The following LRRIQ1 variants were observed in gnomAD, a reference collection of about 807,000 sequenced individuals.
LRRIQ1 encodes leucine rich repeats and IQ motif containing 1.
Under a neutral mutation model 211.9 loss-of-function variants are expected in LRRIQ1, and 210 were observed. That is an observed-to-expected ratio of 0.99 (90% CI 0.89 to 1.11). The LOEUF (loss-of-function observed/expected upper bound fraction) is 1.11. Ranked by LOEUF, LRRIQ1 falls within the 50% of genes most tolerant of loss-of-function variation. The pLI is 0.00. For missense variants in LRRIQ1, 2,136 were observed against 1,939.5 expected (o/e 1.10, Z -1.90); for synonymous variants, 699 against 650.1 (o/e 1.08, Z -1.14).
At chr12:85,085,128 A>G (rs909259831) in intron 11 of LRRIQ1, among the ~76,000 whole-genome samples, 6 of 151,656 alleles carry the variant, frequency 4.0e-5, no homozygotes, top group African/African-American at 1.5e-4. Context: ...CCCGCCCCCC[A>G]ATTTATTTAG....
At position 85,040,602 on chromosome 12, in the gene LRRIQ1, G is replaced by C. The variant is rs1565777888; in HGVS notation, c.244+1G>C. The C allele has an allele frequency of 7.8e-6, 12 of 1,533,546 alleles. No individual in the cohort carries two copies. Among genetic ancestry groups the C allele is most frequent in the Non-Finnish European group, 1.1e-5 (12 of 1,113,938 alleles). 95.0% of individuals were successfully genotyped at this position (1,533,546 alleles called of 1,614,324 possible). On this transcript the variant is annotated splice_donor_variant, in intron 3 of 26. Coordinates refer to ENST00000393217, the MANE Select transcript of LRRIQ1 (RefSeq NM_001079910.2). LOFTEE classifies it high-confidence loss of function. The stretch of plus-strand genomic sequence containing the variant: ...GACCTGGAAGATACTGATATTTTAA[G>C]TAAGTACTATTTTCATCTGTCTGGC...
chr12:85,252,712 G>A (rs1357866258), intron 1 of LRRIQ1, among the ~76,000 whole-genome samples: 2 of 151,586 alleles, frequency 1.3e-5, no homozygotes, highest in Admixed American at 1.3e-4. Context: ...GAGAACTCTA[G>A]TATATTAATG....
chr12:85,119,735 C>T (rs1016735963), intron 15 of LRRIQ1, among the ~76,000 whole-genome samples: 11 of 152,054 alleles, frequency 7.2e-5, no homozygotes, highest in Admixed American at 1.3e-4. Flanking sequence ...CACATTGTCT[C>T]GTTGTTATTT....
At chr12:85,093,731 G>A (rs540854896) in intron 11 of LRRIQ1, among the ~76,000 whole-genome samples, 67 of 152,330 alleles carry the variant, frequency 4.4e-4, no homozygotes, top group African/African-American at 1.6e-3. Context: ...TAAAGTGACT[G>A]CATTCAAAGC....
intron 24 of LRRIQ1, among the ~76,000 whole-genome samples, chr12:85,172,622 A>T (rs1006036275): frequency 6.6e-6 from 1 of 152,180 alleles, no homozygotes; most frequent in South Asian, 2.1e-4. Flanking sequence ...TAAGATATAG[A>T]TGAGCAAATA....
At chr12:85,135,810 C>T (rs1889088238) in intron 18 of LRRIQ1, among the ~76,000 whole-genome samples, 1 of 115,014 alleles carries the variant, frequency 8.7e-6, no homozygotes, top group Admixed American at 9.4e-5. Flanking sequence ...GTTCATTTGA[C>T]ATACATTTTG....
chr12:85,139,551 T>G (rs1393275139), intron 19 of LRRIQ1, among the ~76,000 whole-genome samples: 1 of 151,460 alleles, frequency 6.6e-6, no homozygotes, highest in Non-Finnish European at 1.5e-5. Flanking sequence ...TTTTTCAGAA[T>G]TCAGCTAGGA....
At chr12:85,128,859 T>G (rs1485105153) in intron 18 of LRRIQ1, among the ~76,000 whole-genome samples, 1 of 152,162 alleles carries the variant, frequency 6.6e-6, no homozygotes. Flanking sequence ...ATTGTAAAAT[T>G]TTTGTAACTC....
chr12:85,214,366 A>G (rs946703612), intron 24 of LRRIQ1, among the ~76,000 whole-genome samples: 2 of 152,148 alleles, frequency 1.3e-5, no homozygotes, highest in Admixed American at 6.5e-5. Flanking sequence ...TAAGATTTCT[A>G]TGGAAATTCA....
chr12:85,148,895 G>A (rs1890063505), intron 19 of LRRIQ1, among the ~76,000 whole-genome samples: 1 of 152,030 alleles, frequency 6.6e-6, no homozygotes, highest in African/African-American at 2.4e-5. Flanking sequence ...TTTCTCTAAT[G>A]ATCGGTAATG....
At chr12:85,248,517 C>T (rs1170036756), downstream of LRRIQ1, among the ~76,000 whole-genome samples, 1 of 151,688 alleles carries the variant, frequency 6.6e-6, no homozygotes, top group African/African-American at 2.4e-5. Context: ...TATCTCTGTA[C>T]TTTCCAGGAT....
intron 2 of LRRIQ1, among the ~76,000 whole-genome samples, chr12:85,039,103 CTT>C (rs1426193460): frequency 2.0e-5 from 3 of 151,196 alleles, no homozygotes; most frequent in Non-Finnish European, 4.4e-5. Context: ...ATTATTATGT[CTT>C]TTATCCAGAG....
intron 8 of LRRIQ1, among the ~76,000 whole-genome samples, chr12:85,062,789 A>C (rs1273727622): frequency 2.6e-5 from 4 of 151,800 alleles, no homozygotes; most frequent in Non-Finnish European, 5.9e-5. Context: ...CGCTTTCCAC[A>C]GTGGCTTAAC....
Position 85,137,910 on chromosome 12 carries a change from A to C in LRRIQ1, c.4270A>C (p.Asn1424His). Reference sequence around the variant, plus strand: ...GACAACAGCTCTAGAGGCTATTAAGAATGAAGAATCCGATGAAGAATACAG... The same window carrying C: ...GACAACAGCTCTAGAGGCTATTAAGCATGAAGAATCCGATGAAGAATACAG... ...KLTTALEAIK[N>H]EESDEEYREI... The change falls in exon 19 of 27, where the codon AAT (asparagine) becomes CAT (histidine). Residue 1424 changes from asparagine (N) to histidine (H), a missense_variant. Transcript: ENST00000393217. The C allele has an allele frequency of 1.9e-6, 3 of 1,570,816 alleles. No individual in the cohort carries two copies. In the South Asian group the frequency reaches 3.4e-5, roughly 18 times the overall value.
chr12:85,123,685 A>G (rs566579075), intron 16 of LRRIQ1, among the ~76,000 whole-genome samples: 1 of 152,304 alleles, frequency 6.6e-6, no homozygotes, highest in African/African-American at 2.4e-5. Context: ...TTGCGTGGCA[A>G]AAGTCAATGT....
At chr12:85,159,634 A>G (rs961096453) in intron 23 of LRRIQ1, 4 of 152,044 alleles carry the variant, frequency 2.6e-5, no homozygotes, top group African/African-American at 9.7e-5. Context: ...GTCAGAAAAT[A>G]CATAGATCAA....
chr12:85,136,460 T>C (rs1158598742), intron 18 of LRRIQ1, among the ~76,000 whole-genome samples: 4 of 151,900 alleles, frequency 2.6e-5, no homozygotes, highest in Non-Finnish European at 5.9e-5. Flanking sequence ...TTTGGCTTTC[T>C]CTGGTTGTTC....
chr12:85,235,774 C>T (rs912073989), intron 26 of LRRIQ1, among the ~76,000 whole-genome samples: 1 of 152,100 alleles, frequency 6.6e-6, no homozygotes, highest in South Asian at 2.1e-4. Context: ...CCAAATAAGT[C>T]TATACATTAG....
intron 11 of LRRIQ1, among the ~76,000 whole-genome samples, chr12:85,082,129 T>C (rs1187092847): frequency 6.6e-6 from 1 of 152,186 alleles, no homozygotes. Flanking sequence ...CTGGATTTTG[T>C]CTGTAAATAT....
Sources: gnomAD v4.1 joint callset for allele counts (sites outside exome capture counted in the v4.1 genomes callset) on GRCh38, gnomAD v4.1.1 for gene constraint, MANE v1.5 for transcripts, NCBI Gene and HGNC (gene_info 2026-07-23, HGNC 2026-07-21) for gene names.